HYAL4: variants seen among roughly 807,000 people sequenced by gnomAD.
The protein encoded by HYAL4 is hyaluronidase-4.
A neutral mutation model predicts 35.2 loss-of-function variants in HYAL4; 37 were observed. The observed-to-expected ratio is 1.05, with a 90% confidence interval of 0.81 to 1.38. HYAL4 has a LOEUF of 1.38. Among genes scored for constraint, HYAL4 ranks in the 40% most tolerant of loss-of-function variants. HYAL4 has a pLI of 0.00. For missense variants in HYAL4, 572 were observed against 572.4 expected (o/e 1.00, Z 0.01); for synonymous variants, 198 against 203.2 (o/e 0.97, Z 0.22).
At chr7:123,857,087 G>T (rs957316175) in intron 2 of HYAL4, among the ~76,000 whole-genome samples, 3 of 152,188 alleles carry the variant, frequency 2.0e-5, no homozygotes, top group Non-Finnish European at 4.4e-5. Context: ...CTGGCAGCAA[G>T]AATTTCAAGC....
At chr7:123,809,705 A>ACATTCTTT in the HYAL4 span, among the ~76,000 whole-genome samples, 5 of 151,994 alleles carry the variant, frequency 3.3e-5, no homozygotes, top group Admixed American at 3.3e-4. Flanking sequence ...AGCATTTGCA[A>ACATTCTTT]CATTCTTTCT....
chr7:123,812,639 T>G, the HYAL4 span, among the ~76,000 whole-genome samples: 1 of 152,182 alleles, frequency 6.6e-6, no homozygotes, highest in East Asian at 1.9e-4. Context: ...AAAAATTTAT[T>G]GTGATATGAC....
chr7:123,818,443 A>G, the HYAL4 span, among the ~76,000 whole-genome samples: 1 of 150,902 alleles, frequency 6.6e-6, no homozygotes, highest in Non-Finnish European at 1.5e-5. Flanking sequence ...CAAGAGTCAT[A>G]TGAAATTTAA....
At chr7:123,844,822 G>C (rs1162649060), upstream of HYAL4, among the ~76,000 whole-genome samples, 1 of 152,174 alleles carries the variant, frequency 6.6e-6, no homozygotes, top group Non-Finnish European at 1.5e-5. Context: ...CTCTGTGGGC[G>C]TGGGACCCAC....
chr7:123,840,487 T>C (rs891986903), upstream of HYAL4, among the ~76,000 whole-genome samples: 4 of 152,030 alleles, frequency 2.6e-5, no homozygotes, highest in African/African-American at 4.8e-5. Flanking sequence ...TTTGGTTCCA[T>C]ATGAACTTTA....
chr7:123,812,712 G>A, the HYAL4 span, among the ~76,000 whole-genome samples: 3 of 152,120 alleles, frequency 2.0e-5, no homozygotes, highest in East Asian at 5.8e-4. Context: ...TATACGCAAT[G>A]TGCAGTCATG....
the HYAL4 span, among the ~76,000 whole-genome samples, chr7:123,818,313 T>G: frequency 6.6e-6 from 1 of 152,342 alleles, no homozygotes. Context: ...CTGGATGGAC[T>G]GTGATTTTGC....
the HYAL4 span, among the ~76,000 whole-genome samples, chr7:123,767,099 T>TA: frequency 6.6e-6 from 1 of 152,236 alleles, no homozygotes; most frequent in Non-Finnish European, 1.5e-5. Flanking sequence ...TATATATGTT[T>TA]AAAATCATCT....
the HYAL4 span, among the ~76,000 whole-genome samples, chr7:123,771,413 G>A: frequency 2.6e-5 from 4 of 152,098 alleles, no homozygotes; most frequent in Middle Eastern, 3.4e-3. Context: ...TTGTTGTGGG[G>A]CTGTCTGTGC....
the HYAL4 span, among the ~76,000 whole-genome samples, chr7:123,792,890 C>T: frequency 6.6e-6 from 1 of 152,138 alleles, no homozygotes; most frequent in Non-Finnish European, 1.5e-5. Flanking sequence ...TCCACTGCTC[C>T]TCTGACATTC....
rs759567422 is a variant in HYAL4, at chr7:123,877,069, G to T, written c.1360G>T (p.Gly454Cys). Residue 454 changes from glycine to cysteine, a missense_variant, in exon 5 of 5, where the codon GGC becomes TGC. By Grantham distance (159) the Gly-to-Cys change is radical. Coordinates refer to ENST00000223026, the MANE Select transcript of HYAL4 (RefSeq NM_012269.3). ...ADCREIKTAD[G>C]CSGVSPSPGS... is the part of the protein sequence containing the mutation. The stretch of plus-strand genomic sequence containing the variant: ...TTGCAGAGAAATAAAGACGGCTGAT[G>T]GCTGCTCTGGGGTTTCCCCTTCTCC... 1.9e-5 allele frequency: 31 copies of T among 1,614,072 alleles called. No homozygotes were observed. Among genetic ancestry groups the T allele is most frequent in the Non-Finnish European group, 2.5e-5 (30 of 1,180,036 alleles).
intron 1 of HYAL4, among the ~76,000 whole-genome samples, chr7:123,835,361 T>G (rs545167609): frequency 6.6e-6 from 1 of 152,298 alleles, no homozygotes; most frequent in South Asian, 2.1e-4. Flanking sequence ...TTATAGTTTA[T>G]GCATGTAAAG....
At chr7:123,841,045 A>AGG (rs1026015340), upstream of HYAL4, among the ~76,000 whole-genome samples, 9 of 151,912 alleles carry the variant, frequency 5.9e-5, no homozygotes, top group Non-Finnish European at 1.3e-4. Context: ...GTGGTGAGAG[A>AGG]GGGCATCCTT....
the HYAL4 span, among the ~76,000 whole-genome samples, chr7:123,805,462 T>C: frequency 1.3e-5 from 2 of 152,038 alleles, no homozygotes; most frequent in Non-Finnish European, 2.9e-5. Context: ...AAGGGGGAAG[T>C]GAGAATTGAA....
chr7:123,809,898 A>G, the HYAL4 span, among the ~76,000 whole-genome samples: 1 of 152,162 alleles, frequency 6.6e-6, no homozygotes, highest in Non-Finnish European at 1.5e-5. Flanking sequence ...ATTGAAGCAT[A>G]TGCCATCAGA....
chr7:123,808,030 C>T, the HYAL4 span, among the ~76,000 whole-genome samples: 2 of 151,198 alleles, frequency 1.3e-5, no homozygotes, highest in Non-Finnish European at 2.9e-5. Flanking sequence ...CCACCTCGGC[C>T]CCCCAAAGTG....
the HYAL4 span, among the ~76,000 whole-genome samples, chr7:123,787,255 G>T: frequency 6.6e-6 from 1 of 151,944 alleles, no homozygotes; most frequent in South Asian, 2.1e-4. Flanking sequence ...AGATTCCCTG[G>T]GGCATTATAT....
intron 2 of HYAL4, among the ~76,000 whole-genome samples, chr7:123,857,337 C>G (rs1806463746): frequency 6.6e-6 from 1 of 152,168 alleles, no homozygotes; most frequent in African/African-American, 2.4e-5. Flanking sequence ...ATCTCCTGGT[C>G]TGCAGGTTGC....
chr7:123,790,522 A>G, the HYAL4 span: 1 of 151,846 alleles, frequency 6.6e-6, no homozygotes, highest in Admixed American at 6.6e-5. Flanking sequence ...GCTCTCTTGA[A>G]ACTTAGTGCA....
Sources: gnomAD v4.1 joint callset for allele counts (sites outside exome capture counted in the v4.1 genomes callset) on GRCh38, gnomAD v4.1.1 for gene constraint, MANE v1.5 for transcripts, NCBI Gene and HGNC (gene_info 2026-07-23, HGNC 2026-07-21) for gene names.